The following TJP1 variants were observed in gnomAD, a reference collection of about 807,000 sequenced individuals.
TJP1 encodes the protein tight junction protein ZO-1.
A neutral mutation model predicts 194.2 loss-of-function variants in TJP1; 43 were observed. The observed-to-expected ratio is 0.22, with a 90% CI of 0.17 to 0.29. The LOEUF (loss-of-function observed/expected upper bound fraction) is 0.29, where lower values mean the gene tolerates loss of function less well. Among genes scored for constraint, TJP1 ranks in the 10% least tolerant of loss-of-function variants. TJP1 has a pLI of 1.00. For synonymous variants in TJP1, 801 were observed against 779.0 expected, an observed-to-expected ratio of 1.03 and a Z score of -0.47; for missense variants, 1,971 against 2,185.7, an observed-to-expected ratio of 0.90 and a Z score of 1.96.
intron 2 of TJP1, among the ~76,000 whole-genome samples, chr15:29,792,449 G>C (rs888304838): frequency 2.6e-5 from 4 of 152,056 alleles, no homozygotes; most frequent in Non-Finnish European, 5.9e-5. Context: ...TGTTCCACTG[G>C]TCTGTGTCTG....
intron 2 of TJP1, among the ~76,000 whole-genome samples, chr15:29,908,900 G>T (rs148147703): frequency 6.6e-6 from 1 of 151,756 alleles, no homozygotes; most frequent in Non-Finnish European, 1.5e-5. Flanking sequence ...CACGCCTGTA[G>T]TCCCAGCACT....
chr15:29,920,197 G>A (rs2054312665), intron 2 of TJP1, among the ~76,000 whole-genome samples: 1 of 152,212 alleles, frequency 6.6e-6, no homozygotes, highest in Admixed American at 6.5e-5. Flanking sequence ...AGAGACCAGT[G>A]CTAGGTCAAA....
rs549517200 is a variant in TJP1, at chr15:29,960,081, T to C, written c.174-3717A>G. Among the ~76,000 whole-genome samples the C allele has an allele frequency of 5.0e-4, 76 of 152,312 alleles. 1 individual carries two copies. The South Asian group carries it at 8.7e-3, about 17-fold the overall frequency. On this transcript the variant is annotated intron_variant, in intron 1 of 28. Transcript: ENST00000356107. Reference sequence around the variant, plus strand: ...ATTTTAGAAAATTAATGCAAACATTTAATATAAATAAATAAATCTGTCTAG... The same window carrying C: ...ATTTTAGAAAATTAATGCAAACATTCAATATAAATAAATAAATCTGTCTAG...
intron 2 of TJP1, among the ~76,000 whole-genome samples, chr15:29,954,885 C>T (rs575674135): frequency 5.9e-5 from 9 of 152,092 alleles, no homozygotes; most frequent in African/African-American, 2.2e-4. Flanking sequence ...TTGAGACCAG[C>T]CTGGCCAAGA....
At chr15:29,823,367 T>A (rs145540583), upstream of TJP1, 1 of 152,126 alleles carries the variant, frequency 6.6e-6, no homozygotes, top group South Asian at 2.1e-4. Flanking sequence ...CCAAGGAACA[T>A]GGTAAGAAAC....
chr15:29,723,409 T>G (rs888082366), intron 18 of TJP1, among the ~76,000 whole-genome samples: 3 of 152,330 alleles, frequency 2.0e-5, no homozygotes, highest in Admixed American at 2.0e-4. Flanking sequence ...CTCTTCCTCC[T>G]GCTCCAACCA....
Position 29,734,322 on chromosome 15 carries a change from G to A in TJP1, c.1468C>T (p.Leu490Phe). 1 of 1,613,254 alleles carries A rather than the reference G, an allele frequency of 6.2e-7. No homozygotes were observed. The highest frequency in any genetic ancestry group is 1.1e-5 in the South Asian group (1 of 90,914). Reference sequence around the variant, plus strand: ...ATGGTCACTTCTTCTCCTTTAGGGAGGTCAAGCAGGAAAAGGACGGCTTCT... The same window carrying A: ...ATGGTCACTTCTTCTCCTTTAGGGAAGTCAAGCAGGAAAAGGACGGCTTCT... Reference protein sequence around the residue: ...REEAVLFLLDLPKGEEVTILA... With the variant: ...REEAVLFLLDFPKGEEVTILA... Residue 490 changes from leucine (L) to phenylalanine (F), a missense_variant, in exon 12 of 28, where the codon CTC becomes TTC. Physicochemically the swap from Leu to Phe is conservative, Grantham distance 22 (BLOSUM62 0). This residue lies in a region of TJP1 where 402 missense variants were observed against 484.2 expected (regional missense o/e 0.83). Coordinates refer to ENST00000614355, the MANE Select transcript of TJP1 (RefSeq NM_001330239.4).
chr15:29,927,661 A>C (rs1522794), intron 2 of TJP1, among the ~76,000 whole-genome samples: 38,822 of 152,014 alleles, frequency 0.26, 5,195 homozygotes, highest in East Asian at 0.34. Context: ...AAGCCAAGAT[A>C]CTGGAAGAAT....
intron 25 of TJP1, 101 bp downstream of exon 25, chr15:29,708,458 G>A (rs1248372335): frequency 7.3e-6 from 7 of 964,768 alleles, no homozygotes; most frequent in Non-Finnish European, 1.1e-5. Context: ...TAAAGGTTGA[G>A]TTAAAAAGAT....
At position 29,718,548 on chromosome 15, in the gene TJP1, A is replaced by G; in HGVS notation, c.3594T>C (p.Ser1198=). Residue 1198 remains serine, a synonymous_variant, in exon 21 of 28, where the codon AGT becomes AGC. Transcript: ENST00000614355. ...ATCCTTGGGGTGGTACTTGCTCGTA[A>G]CTGCGTGAATATTGCTCAAAATACT... ...SKQYFEQYSR[S]YEQVPPQGFT... 6.2e-7 allele frequency: 1 copy of G among 1,614,188 alleles called. No individual in the cohort carries two copies. The highest frequency in any genetic ancestry group is 2.2e-5 in the East Asian group (1 of 44,872).
At chr15:29,850,637 A>C (rs2051606505) in intron 2 of TJP1, among the ~76,000 whole-genome samples, 2 of 151,684 alleles carry the variant, frequency 1.3e-5, no homozygotes, top group African/African-American at 4.8e-5. Context: ...GCCCAGCCAA[A>C]TGTTTATTGT....
chr15:29,761,040 A>G (rs1013230258), intron 8 of TJP1, 99 bp downstream of exon 8: 13 of 1,355,460 alleles, frequency 9.6e-6, no homozygotes, highest in Middle Eastern at 2.1e-4. Context: ...TTGAATAATC[A>G]AAAGAAATAC....
At chr15:29,750,566 T>C (rs2045203667) in intron 8 of TJP1, among the ~76,000 whole-genome samples, 1 of 152,232 alleles carries the variant, frequency 6.6e-6, no homozygotes, top group South Asian at 2.1e-4. Flanking sequence ...TTCTGTCTCC[T>C]GATTGATAAG....
At position 29,821,991 on chromosome 15, in the gene TJP1, G is replaced by A; in HGVS notation, c.27+11C>T. The A allele has an allele frequency of 7.6e-7, 1 of 1,320,472 alleles. No homozygotes were observed. The highest frequency in any genetic ancestry group is 9.7e-7 in the Non-Finnish European group (1 of 1,033,650). The allele number at this position is 1,320,472 out of a possible 1,614,324, so 81.8% of individuals were successfully genotyped here. ...GCCCGGTCTGGCCCTGGCGGCCGCG[G>A]AGGCGCTCACCTTGGCGGCCGCAGC... On this transcript the variant is annotated intron_variant, in intron 1 of 27. Transcript: ENST00000614355.
intron 2 of TJP1, among the ~76,000 whole-genome samples, chr15:29,893,733 C>G (rs902920133): frequency 2.0e-5 from 3 of 152,104 alleles, no homozygotes; most frequent in Non-Finnish European, 4.4e-5. Flanking sequence ...TAGTATAGTG[C>G]AAACATATTT....
chr15:29,807,221 T>C (rs1595966821), intron 1 of TJP1, among the ~76,000 whole-genome samples: 1 of 152,186 alleles, frequency 6.6e-6, no homozygotes, highest in African/African-American at 2.4e-5. Flanking sequence ...AATTTTCTGG[T>C]TGATCAAAGC....
At position 29,934,474 on chromosome 15, in the gene TJP1, A is replaced by G. The variant is rs560911376; in HGVS notation, c.306+21758T>C. 2.0e-5 allele frequency among the ~76,000 whole-genome samples: 3 copies of G among 152,336 alleles called. No individual in the cohort carries two copies. The East Asian group carries it at 5.8e-4, about 29-fold the overall frequency. The stretch of plus-strand genomic sequence containing the variant: ...GGTTGCCCTTTTGTAACTGAGAAGT[A>G]GGGCTGGGTTGTCACTGTGATCTTC... On this transcript the variant is annotated intron_variant, in intron 2 of 28. Transcript: ENST00000356107.
At chr15:29,762,700 AT>A (rs1260404343) in intron 5 of TJP1, among the ~76,000 whole-genome samples, 1 of 152,154 alleles carries the variant, frequency 6.6e-6, no homozygotes, top group Non-Finnish European at 1.5e-5. Context: ...AAAGGAGAAA[AT>A]CCCCAAGAGG....
At chr15:29,699,638 C>A (rs1260781602), downstream of TJP1, 3 of 152,168 alleles carry the variant, frequency 2.0e-5, no homozygotes, top group South Asian at 2.1e-4. Flanking sequence ...TGGATTCAGT[C>A]CACAAAGGTG....
Sources: allele counts gnomAD v4.1 joint callset (sites outside exome capture counted in the v4.1 genomes callset), GRCh38; gene constraint gnomAD v4.1.1; regional missense constraint gnomAD v4.1.1; transcripts MANE v1.5; gene names NCBI Gene and HGNC (gene_info 2026-07-23, HGNC 2026-07-21).